TENM3: variants seen among roughly 807,000 people sequenced by gnomAD.
TENM3 encodes the protein teneurin-3.
TENM3 carries 63 observed loss-of-function variants against 255.1 expected under a neutral mutation model. The ratio of observed to expected loss-of-function variants is 0.25; its 90% confidence interval spans 0.20 to 0.30. The LOEUF is 0.30. TENM3 is among the 10% of genes least tolerant of loss of function. The pLI, the probability that TENM3 is intolerant of heterozygous loss-of-function variation, is 1.00. For missense variants in TENM3, 2,929 were observed against 3,461.1 expected (o/e 0.85, Z 3.86); for synonymous variants, 1,306 against 1,322.3 (o/e 0.99, Z 0.27).
At chr4:182,638,394 G>A (rs549736872) in intron 5 of TENM3, among the ~76,000 whole-genome samples, 25 of 152,162 alleles carry the variant, frequency 1.6e-4, no homozygotes, top group South Asian at 2.1e-4. Flanking sequence ...GGAGATAAGC[G>A]TCATGTTGCC....
At chr4:182,062,399 T>C in the TENM3 span, among the ~76,000 whole-genome samples, 1 of 152,240 alleles carries the variant, frequency 6.6e-6, no homozygotes, top group African/African-American at 2.4e-5. Context: ...ATTTCAGCGA[T>C]AAAATCCATC....
the TENM3 span, among the ~76,000 whole-genome samples, chr4:181,902,187 C>CAAAAA: frequency 2.8e-5 from 4 of 144,040 alleles, no homozygotes; most frequent in Non-Finnish European, 3.0e-5. Context: ...TTAAAAGAGC[C>CAAAAA]AAAAAAAAAA....
intron 22 of TENM3, among the ~76,000 whole-genome samples, chr4:182,768,022 C>T (rs991051449): frequency 4.6e-5 from 7 of 152,142 alleles, no homozygotes; most frequent in East Asian, 1.9e-4. Flanking sequence ...ATATACGTAA[C>T]GACATATGCT....
the TENM3 span, among the ~76,000 whole-genome samples, chr4:181,477,610 C>G: frequency 2.0e-5 from 3 of 152,088 alleles, no homozygotes; most frequent in African/African-American, 7.2e-5. Flanking sequence ...CTGACTGTTG[C>G]TTTCAGATGG....
chr4:182,211,838 T>C (rs1755063099), intron 1 of TENM3, among the ~76,000 whole-genome samples: 1 of 152,198 alleles, frequency 6.6e-6, no homozygotes, highest in South Asian at 2.1e-4. Flanking sequence ...CCGTGTGACT[T>C]TGTACAGATT....
intron 4 of TENM3, among the ~76,000 whole-genome samples, chr4:182,616,638 G>A (rs959210281): frequency 6.7e-5 from 10 of 150,008 alleles, no homozygotes; most frequent in African/African-American, 1.5e-4. Flanking sequence ...GCAGATGCTC[G>A]TGTGGGTGGG....
intron 3 of TENM3, among the ~76,000 whole-genome samples, chr4:182,538,098 AAGCTTTT>A (rs1195490489): frequency 1.3e-5 from 2 of 152,198 alleles, no homozygotes; most frequent in South Asian, 4.1e-4. Context: ...AGTCTAATAT[AAGCTTTT>A]AGATAGTGTT....
At chr4:182,494,028 T>G (rs954190194) in intron 3 of TENM3, among the ~76,000 whole-genome samples, 2 of 152,214 alleles carry the variant, frequency 1.3e-5, no homozygotes, top group Non-Finnish European at 2.9e-5. Context: ...TTACTGCTAC[T>G]GTTTTTATAA....
the TENM3 span, among the ~76,000 whole-genome samples, chr4:181,690,125 C>A: frequency 6.6e-6 from 1 of 152,058 alleles, no homozygotes; most frequent in African/African-American, 2.4e-5. Context: ...GTTTGAAACA[C>A]CTGCTTTCCC....
chr4:182,396,237 CT>C (rs1343386146), intron 3 of TENM3, among the ~76,000 whole-genome samples: 2 of 152,170 alleles, frequency 1.3e-5, no homozygotes, highest in African/African-American at 4.8e-5. Context: ...CAGGCTGCCC[CT>C]GTCTTTCTGG....
chr4:182,495,670 T>C (rs890993347), intron 3 of TENM3, among the ~76,000 whole-genome samples: 3 of 152,238 alleles, frequency 2.0e-5, no homozygotes, highest in African/African-American at 7.2e-5. Flanking sequence ...CTCATTATGT[T>C]AAACAGTCTA....
the TENM3 span, among the ~76,000 whole-genome samples, chr4:182,000,574 A>G: frequency 1.3e-5 from 2 of 152,170 alleles, no homozygotes; most frequent in African/African-American, 2.4e-5. Context: ...GCTTCAATTG[A>G]TTATTTATTA....
chr4:181,645,016 T>C, the TENM3 span, among the ~76,000 whole-genome samples: 1 of 152,186 alleles, frequency 6.6e-6, no homozygotes, highest in East Asian at 1.9e-4. Context: ...ATTTGAGTAA[T>C]TAATATTCTA....
At chr4:181,992,802 A>T in the TENM3 span, among the ~76,000 whole-genome samples, 1 of 152,194 alleles carries the variant, frequency 6.6e-6, no homozygotes, top group Non-Finnish European at 1.5e-5. Context: ...AATGGGAGAA[A>T]TGCAAACCTG....
At chr4:181,581,640 CAGT>C in the TENM3 span, among the ~76,000 whole-genome samples, 1 of 152,010 alleles carries the variant, frequency 6.6e-6, no homozygotes, top group Non-Finnish European at 1.5e-5. Flanking sequence ...ATTGGCTCCT[CAGT>C]AGAACCTGTG....
chr4:181,889,319 C>A, the TENM3 span, among the ~76,000 whole-genome samples: 52 of 152,126 alleles, frequency 3.4e-4, no homozygotes, highest in Non-Finnish European at 5.7e-4. Context: ...TCCACTCTCA[C>A]CATGTGACAT....
the TENM3 span, among the ~76,000 whole-genome samples, chr4:181,544,571 G>A: frequency 7.3e-6 from 1 of 136,836 alleles, no homozygotes; most frequent in East Asian, 2.3e-4. Context: ...GCCGCTGTCA[G>A]TTGGCATGCA....
At chr4:181,771,911 A>G in the TENM3 span, among the ~76,000 whole-genome samples, 2 of 152,238 alleles carry the variant, frequency 1.3e-5, no homozygotes, top group Non-Finnish European at 2.9e-5. Context: ...TGTGCAAAAC[A>G]TCTGGGCTGG....
At chr4:182,520,921 A>AT (rs1419737764) in intron 3 of TENM3, among the ~76,000 whole-genome samples, 2 of 152,026 alleles carry the variant, frequency 1.3e-5, no homozygotes, top group South Asian at 2.1e-4. Context: ...GCTTTATAGA[A>AT]TTTTTTTGCT....
Sources: gnomAD v4.1 joint callset for allele counts (sites outside exome capture counted in the v4.1 genomes callset) on GRCh38, gnomAD v4.1.1 for gene constraint, MANE v1.5 for transcripts, NCBI Gene and HGNC (gene_info 2026-07-23, HGNC 2026-07-21) for gene names.